The following SHMT1 variants were observed in gnomAD, a reference collection of about 807,000 sequenced individuals.
SHMT1 encodes serine hydroxymethyltransferase, cytosolic.
In SHMT1, 45 loss-of-function variants were observed where a neutral mutation model predicts 49.0. The observed-to-expected ratio is 0.92, with a 90% CI of 0.72 to 1.18. The LOEUF is 1.18. SHMT1 is among the 50% of genes most tolerant of loss of function. SHMT1 has a pLI of 0.00. For synonymous variants in SHMT1, 232 were observed against 246.6 expected (o/e 0.94, Z 0.55); for missense variants, 541 against 612.4 (o/e 0.88, Z 1.23).
rs1157730231 is a variant in SHMT1 at position 18,355,940 on chromosome 17, C to A, written c.42G>T (p.Leu14=). The change falls in exon 2 of 12, where the codon CTG becomes CTT. Residue 14 remains leucine (L), a synonymous_variant. Transcript: ENST00000316694. ...PVNGAHKDAD[L]WSSHDKMLAQ... is the part of the protein sequence containing the mutation. The stretch of plus-strand genomic sequence containing the variant: ...CCAGCATCTTGTCATGTGAGGACCA[C>A]AGGTCAGCATCCTTGTGGGCCCCGT... 6.2e-7 allele frequency: 1 copy of A among 1,614,152 alleles called. No homozygotes were observed. The highest frequency in any genetic ancestry group is 1.1e-5 in the South Asian group (1 of 91,082).
At position 18,340,147 on chromosome 17, in the gene SHMT1, G is replaced by A. The variant is rs978957356; in HGVS notation, c.710C>T (p.Ala237Val). ...AAATGGGGAGGGCACCACGCCAGCC[G>A]CCACCAGCCCGCTGATGTGAGCCAT... is the stretch of plus-strand genomic sequence containing the variant. Reference protein sequence around the residue: ...ADMAHISGLVAAGVVPSPFEH... With the variant: ...ADMAHISGLVVAGVVPSPFEH... Residue 237 changes from alanine to valine, a missense_variant, in exon 7 of 12, where the codon GCG becomes GTG. Coordinates refer to ENST00000316694, the MANE Select transcript of SHMT1 (RefSeq NM_004169.5). The surrounding 1 kb of genome is among the most constrained non-coding windows in gnomAD (Gnocchi z 4.5). 1.5e-5 allele frequency: 24 copies of A among 1,614,070 alleles called. 1 individual carries two copies. Among genetic ancestry groups the A allele is most frequent in the African/African-American group, 5.3e-5 (4 of 74,924 alleles).
At chr17:18,351,847 GT>G (rs935278016) in intron 3 of SHMT1, among the ~76,000 whole-genome samples, 74 of 151,630 alleles carry the variant, frequency 4.9e-4, no homozygotes, top group African/African-American at 1.7e-3. Flanking sequence ...GTTTTTCGGG[GT>G]TTTTTTTAAA....
chr17:18,330,960 G>T (rs1983145832), intron 9 of SHMT1: 6 of 439,464 alleles, frequency 1.4e-5, no homozygotes, highest in Non-Finnish European at 2.1e-5. Flanking sequence ...TGTTTTCTCT[G>T]ACAAGTTGCT....
At chr17:18,354,397 C>T (rs938308949) in intron 2 of SHMT1, among the ~76,000 whole-genome samples, 21 of 149,190 alleles carry the variant, frequency 1.4e-4, no homozygotes, top group Admixed American at 9.4e-4. Context: ...CCAGCCTGGG[C>T]GACAAGAACA....
rs1247289509 is a variant in SHMT1, at chr17:18,353,792, C to T, written c.122G>A (p.Ser41Asn). ...VEVYNIIKKE[S>N]NRQRVGLELI... The stretch of plus-strand genomic sequence containing the variant: ...CTCCAATCCAACCCTCTGCCGGTTA[C>T]TCTCCTTCTTAATGATGTTGTAAAC... Residue 41 changes from serine (S) to asparagine (N), a missense_variant, in exon 3 of 12, where the codon AGT (serine) becomes AAT (asparagine). Ser to Asn is a conservative substitution (Grantham distance 46). Transcript: ENST00000316694. 6.2e-7 allele frequency: 1 copy of T among 1,614,148 alleles called. No individual in the cohort carries two copies. The highest frequency in any genetic ancestry group is 8.5e-7 in the Non-Finnish European group (1 of 1,179,994).
chr17:18,340,170 C>T lies in SHMT1; in HGVS notation c.687G>A (p.Met229Ile). 2 of 1,614,202 alleles carry T rather than the reference C, an allele frequency of 1.2e-6. No individual in the cohort carries two copies. Among genetic ancestry groups the T allele is most frequent in the Non-Finnish European group, 1.7e-6 (2 of 1,180,046 alleles). Residue 229 changes from methionine to isoleucine, a missense_variant, in exon 7 of 12, where the codon ATG (methionine) becomes ATA (isoleucine). Physicochemically the swap from Met to Ile is conservative, Grantham distance 10 (BLOSUM62 1). Transcript: ENST00000316694. The surrounding 1 kb of genome is among the most constrained non-coding windows in gnomAD (Gnocchi z 4.5). ...CCGCCACCAGCCCGCTGATGTGAGC[C>T]ATGTCCGCCATGAGATACGCCCCGT... is the stretch of plus-strand genomic sequence containing the variant. The part of the protein sequence containing the change: ...DENGAYLMAD[M>I]AHISGLVAAG...
chr17:18,339,052 A>T (rs1327453039), intron 7 of SHMT1, among the ~76,000 whole-genome samples: 10 of 40,322 alleles, frequency 2.5e-4, no homozygotes, highest in Non-Finnish European at 4.7e-4. Flanking sequence ...TAAATACTAA[A>T]AAAAAAAAAA....
At chr17:18,348,117 T>C in intron 4 of SHMT1, 1 of 571,044 alleles carries the variant, frequency 1.8e-6, no homozygotes, top group South Asian at 1.8e-5. Flanking sequence ...ACCGGGTTTC[T>C]CCATGTTGGT....
Position 18,328,528 on chromosome 17 carries a change from A to G in SHMT1, c.*222T>C. The G allele has an allele frequency of 1.7e-6, 1 of 579,544 alleles. No homozygotes were observed. The highest frequency in any genetic ancestry group is 3.1e-6 in the Non-Finnish European group (1 of 326,252). 35.9% of individuals were successfully genotyped at this position (579,544 alleles called of 1,614,324 possible). ...TCCAGCTGTGAGAAAGCCAGGTTCAAATTTAAATCCTTTAATAACCTGTCC... is the reference window on the plus strand; with the variant it reads ...TCCAGCTGTGAGAAAGCCAGGTTCAGATTTAAATCCTTTAATAACCTGTCC... On this transcript the variant is annotated 3_prime_UTR_variant, in exon 12 of 12. Transcript: ENST00000316694.
At position 18,355,989 on chromosome 17, in the gene SHMT1, G is replaced by C; in HGVS notation, c.-8C>G. The C allele has an allele frequency of 6.3e-7, 1 of 1,591,882 alleles. No individual in the cohort carries two copies. The highest frequency in any genetic ancestry group is 8.6e-7 in the Non-Finnish European group (1 of 1,160,262). On this transcript the variant is annotated 5_prime_UTR_variant, in exon 2 of 12. Transcript: ENST00000316694. ...GTTGACTGGCATCGTCATTGCACTG[G>C]TTCGAAGCTGCCTAAAAAAATGGGA... is the stretch of plus-strand genomic sequence containing the variant.
intron 1 of SHMT1, among the ~76,000 whole-genome samples, chr17:18,358,664 G>A (rs532428266): frequency 1.3e-5 from 2 of 152,260 alleles, no homozygotes; most frequent in African/African-American, 4.8e-5. Context: ...CACTTTGGGA[G>A]GCTGAGGCAG....
chr17:18,353,956 T>G, intron 2 of SHMT1, 139 bp from the exon 3 acceptor site: 3 of 814,242 alleles, frequency 3.7e-6, no homozygotes. Context: ...AAGGTTTTAG[T>G]ATCTGAGAAA....
At chr17:18,329,002 G>A (rs1209683429) in intron 11 of SHMT1, 83 bp from the exon 12 acceptor site, 7 of 1,553,634 alleles carry the variant, frequency 4.5e-6, no homozygotes, top group Admixed American at 3.4e-5. Flanking sequence ...ACAAATGTCA[G>A]AATGTCCCCC....
intron 8 of SHMT1, among the ~76,000 whole-genome samples, chr17:18,335,278 A>T (rs1175680393): frequency 2.0e-5 from 3 of 152,114 alleles, no homozygotes; most frequent in African/African-American, 7.2e-5. Context: ...CCCTCTCCTA[A>T]CTGTCAGATT....
chr17:18,363,052 T>C (rs1197327055), intron 1 of SHMT1: 1 of 152,242 alleles, frequency 6.6e-6, no homozygotes, highest in Non-Finnish European at 1.5e-5. Context: ...TAGGATTGTT[T>C]AAATCGAAAA....
At chr17:18,361,482 A>C (rs1242809785) in intron 1 of SHMT1, among the ~76,000 whole-genome samples, 3 of 150,788 alleles carry the variant, frequency 2.0e-5, no homozygotes, top group Non-Finnish European at 4.4e-5. Context: ...CGTTTCAAAA[A>C]AAAAAACAAA....
At chr17:18,344,477 G>C (rs1042692730) in intron 5 of SHMT1, among the ~76,000 whole-genome samples, 7 of 149,444 alleles carry the variant, frequency 4.7e-5, no homozygotes, top group Non-Finnish European at 7.4e-5. Flanking sequence ...GACCCGCCTG[G>C]GCAACATAGT....
chr17:18,335,768 G>A (rs1288370339), intron 7 of SHMT1, 93 bp from the exon 8 acceptor site: 2 of 907,362 alleles, frequency 2.2e-6, no homozygotes, highest in African/African-American at 1.6e-5. Context: ...GAAGAATCAA[G>A]CACAAGCCTG....
intron 9 of SHMT1, chr17:18,331,065 T>A: frequency 2.8e-6 from 1 of 355,746 alleles, no homozygotes; most frequent in African/African-American, 2.1e-5. Flanking sequence ...AAGGGGCATG[T>A]TCACAGAGCA....
Sources: gnomAD v4.1 joint callset for allele counts (sites outside exome capture counted in the v4.1 genomes callset) on GRCh38, gnomAD v4.1.1 for gene constraint, Gnocchi (gnomAD v3.1) non-coding constraint, MANE v1.5 for transcripts, NCBI Gene and HGNC (gene_info 2026-07-23, HGNC 2026-07-21) for gene names.